PGCKA1: variants seen among roughly 807,000 people sequenced by gnomAD.
The protein encoded by PGCKA1 is PDCD10 and GCKIII kinases associated 1, also known as PDCD10 and GCKIII kinases-associated protein 1.
the PGCKA1 span, among the ~76,000 whole-genome samples, chr4:37,475,560 A>G: frequency 1.3e-5 from 2 of 152,148 alleles, no homozygotes; most frequent in Non-Finnish European, 2.9e-5. Context: ...AAGATTTGTA[A>G]TGTTACAGGA....
At chr4:37,517,241 A>C in the PGCKA1 span, among the ~76,000 whole-genome samples, 1 of 149,472 alleles carries the variant, frequency 6.7e-6, no homozygotes. Context: ...ACAAGAGTGA[A>C]ACTCCATCTC....
At chr4:37,521,940 AC>A in the PGCKA1 span, among the ~76,000 whole-genome samples, 1 of 152,066 alleles carries the variant, frequency 6.6e-6, no homozygotes, top group Non-Finnish European at 1.5e-5. Context: ...TTATGTAGTG[AC>A]CTTCTTTGTC....
the PGCKA1 span, among the ~76,000 whole-genome samples, chr4:37,490,190 C>T: frequency 6.6e-6 from 1 of 152,048 alleles, no homozygotes; most frequent in Non-Finnish European, 1.5e-5. Flanking sequence ...GCATAATTCT[C>T]ATAACAACCA....
At chr4:37,490,892 C>T in the PGCKA1 span, among the ~76,000 whole-genome samples, 9,419 of 152,200 alleles carry the variant, frequency 0.062, 368 homozygotes, top group Middle Eastern at 0.088. Flanking sequence ...GTTCAAGGGA[C>T]ATTAGAAATT....
At chr4:37,570,146 ATT>A in the PGCKA1 span, among the ~76,000 whole-genome samples, 1,770 of 78,924 alleles carry the variant, frequency 0.022, 20 homozygotes, top group African/African-American at 0.093. Context: ...CGCCTGGCTA[ATT>A]TTTTTTTTTT....
At chr4:37,510,316 G>A in the PGCKA1 span, among the ~76,000 whole-genome samples, 346 of 152,138 alleles carry the variant, frequency 2.3e-3, 2 homozygotes, top group African/African-American at 8.1e-3. Context: ...ATTTATTATA[G>A]TCTTTGCTAT....
At chr4:37,551,270 C>T in the PGCKA1 span, among the ~76,000 whole-genome samples, 1 of 145,214 alleles carries the variant, frequency 6.9e-6, no homozygotes, top group East Asian at 1.9e-4. Flanking sequence ...CCTGGGTTTC[C>T]CTGTCTATGC....
the PGCKA1 span, among the ~76,000 whole-genome samples, chr4:37,582,356 T>C: frequency 1.3e-5 from 2 of 152,186 alleles, no homozygotes; most frequent in Non-Finnish European, 2.9e-5. Flanking sequence ...TGTTCTGCCC[T>C]TCCCCAAGAG....
the PGCKA1 span, among the ~76,000 whole-genome samples, chr4:37,486,927 C>T: frequency 3.3e-5 from 5 of 152,260 alleles, no homozygotes; most frequent in South Asian, 6.2e-4. Context: ...GTTCTGAAAA[C>T]GTGACTCAGC....
At chr4:37,585,550 G>A in the PGCKA1 span, among the ~76,000 whole-genome samples, 26 of 1,844 alleles carry the variant, frequency 0.014, no homozygotes, top group African/African-American at 0.028. Context: ...GAGAGGAGAG[G>A]TGTTGAGGAA....
the PGCKA1 span, among the ~76,000 whole-genome samples, chr4:37,527,662 TAC>T: frequency 4.5e-5 from 4 of 87,942 alleles, no homozygotes; most frequent in African/African-American, 2.0e-4. Flanking sequence ...TACTAAAAAA[TAC>T]AAAAAAAAAA....
At chr4:37,513,049 A>G in the PGCKA1 span, among the ~76,000 whole-genome samples, 7 of 151,378 alleles carry the variant, frequency 4.6e-5, no homozygotes, top group Admixed American at 1.3e-4. Context: ...GGTCATGCCA[A>G]TTGCACTCCA....
At chr4:37,588,927 A>G in the PGCKA1 span, 3 of 1,585,218 alleles carry the variant, frequency 1.9e-6, no homozygotes, top group African/African-American at 2.7e-5. Context: ...CTACTTCTAA[A>G]TGGAGGAATT....
the PGCKA1 span, among the ~76,000 whole-genome samples, chr4:37,531,473 AC>A: frequency 6.6e-6 from 1 of 152,076 alleles, no homozygotes; most frequent in Non-Finnish European, 1.5e-5. Flanking sequence ...CAAGCTCAGA[AC>A]CCAGAAAGCT....
the PGCKA1 span, among the ~76,000 whole-genome samples, chr4:37,586,986 G>C: frequency 6.6e-6 from 1 of 152,138 alleles, no homozygotes; most frequent in Non-Finnish European, 1.5e-5. Flanking sequence ...TCTGAAATTG[G>C]TATCAGTGGG....
At chr4:37,499,208 C>G in the PGCKA1 span, among the ~76,000 whole-genome samples, 1 of 152,196 alleles carries the variant, frequency 6.6e-6, no homozygotes, top group Non-Finnish European at 1.5e-5. Context: ...TTTTGCTATG[C>G]TGCTGGATTG....
the PGCKA1 span, among the ~76,000 whole-genome samples, chr4:37,498,472 T>G: frequency 6.6e-6 from 1 of 152,216 alleles, no homozygotes; most frequent in Admixed American, 6.5e-5. Flanking sequence ...GGGATTGCAT[T>G]GAATTTGTAG....
chr4:37,526,772 C>G, the PGCKA1 span, among the ~76,000 whole-genome samples: 1 of 152,140 alleles, frequency 6.6e-6, no homozygotes, highest in African/African-American at 2.4e-5. Context: ...ATAGTACATA[C>G]TTGACAATGA....
the PGCKA1 span, among the ~76,000 whole-genome samples, chr4:37,488,390 A>G: frequency 6.6e-6 from 1 of 152,190 alleles, no homozygotes; most frequent in African/African-American, 2.4e-5. Context: ...CAGTCATGCC[A>G]TGTGATAAAT....
Sources: gnomAD v4.1 joint callset for allele counts (sites outside exome capture counted in the v4.1 genomes callset) on GRCh38, gnomAD v4.1.1 for gene constraint, MANE v1.5 for transcripts, NCBI Gene and HGNC (gene_info 2026-07-23, HGNC 2026-07-21) for gene names.